The following ILRUN variants were observed in gnomAD, a reference collection of about 807,000 sequenced individuals.
ILRUN encodes protein ILRUN.
In ILRUN, 3 loss-of-function variants were observed where a neutral mutation model predicts 33.8. That is an observed-to-expected ratio of 0.09 (90% CI 0.04 to 0.23). The LOEUF is 0.23. Ranked by LOEUF, ILRUN falls within the 10% of genes least tolerant of loss-of-function variation. The pLI is 1.00. For synonymous variants in ILRUN, 124 were observed against 138.9 expected, an observed-to-expected ratio of 0.89 and a Z score of 0.75; for missense variants, 210 against 375.1, an observed-to-expected ratio of 0.56 and a Z score of 3.64.
At position 34,592,589 on chromosome 6, in the gene ILRUN, ATTTTTT is replaced by A. The variant is rs1382758890; in HGVS notation, c.862-1995_862-1990del. The stretch of plus-strand genomic sequence containing the variant: ...AGTTTTTGCCATTATTTTTATTTTT[ATTTTTT>A]ATTTTTATTTTTTTCAAGACAGAGT... On this transcript the variant is annotated intron_variant, in intron 4 of 4. Transcript: ENST00000374023. The surrounding 1 kb of genome is among the most constrained non-coding windows in gnomAD (Gnocchi z 4.0). Among the ~76,000 whole-genome samples, 2 of 152,104 alleles carry A rather than the reference ATTTTTT, an allele frequency of 1.3e-5. No homozygotes were observed. The highest frequency in any genetic ancestry group is 1.9e-4 in the East Asian group (1 of 5,186).
rs1203872357 is a variant in ILRUN at position 34,623,864 on chromosome 6, C to A, written c.512-16960G>T. On this transcript the variant is annotated intron_variant, in intron 3 of 4. Coordinates refer to ENST00000374023, the MANE Select transcript of ILRUN (RefSeq NM_024294.4). Reference sequence around the variant, plus strand: ...TTTCTTTTTGTTTTTTTGAGTCTCACTCTGTTGCCCAGGCTGGAGTGCAGT... The same window carrying A: ...TTTCTTTTTGTTTTTTTGAGTCTCAATCTGTTGCCCAGGCTGGAGTGCAGT... 2.0e-5 allele frequency among the ~76,000 whole-genome samples: 3 copies of A among 152,188 alleles called. No individual in the cohort carries two copies. The East Asian group carries it at 5.8e-4, about 29-fold the overall frequency.
At chr6:34,621,191 A>C (rs933217463) in intron 3 of ILRUN, among the ~76,000 whole-genome samples, 9 of 152,252 alleles carry the variant, frequency 5.9e-5, no homozygotes, top group Non-Finnish European at 1.5e-5. Flanking sequence ...AAGCAACAAG[A>C]GCATCACCTT....
chr6:34,651,439 T>C (rs1762666070), intron 2 of ILRUN, among the ~76,000 whole-genome samples: 1 of 152,088 alleles, frequency 6.6e-6, no homozygotes, highest in Non-Finnish European at 1.5e-5. Flanking sequence ...TTTGACAGTC[T>C]AACTACTACA....
At chr6:34,687,048 C>A in intron 1 of ILRUN, 1 of 185,126 alleles carries the variant, frequency 5.4e-6, no homozygotes. Flanking sequence ...GCTTCTAAGA[C>A]ATGCAAGCAT....
chr6:34,675,061 A>G (rs1486398735), intron 1 of ILRUN, among the ~76,000 whole-genome samples: 1 of 152,164 alleles, frequency 6.6e-6, no homozygotes, highest in Non-Finnish European at 1.5e-5. Context: ...TGGGCTAATC[A>G]CCTGAGGTTA....
chr6:34,681,625 G>C (rs1311126740), intron 1 of ILRUN, among the ~76,000 whole-genome samples: 1 of 151,910 alleles, frequency 6.6e-6, no homozygotes, highest in African/African-American at 2.4e-5. Context: ...TAAAAATAAA[G>C]AGTTAAACCT....
At chr6:34,662,355 G>A (rs1762907178) in intron 1 of ILRUN, among the ~76,000 whole-genome samples, 3 of 151,666 alleles carry the variant, frequency 2.0e-5, no homozygotes, top group South Asian at 4.2e-4. Context: ...AAGAGAAGCT[G>A]GAGCACTAAG....
At chr6:34,591,078 T>C (rs562386534) in intron 4 of ILRUN, among the ~76,000 whole-genome samples, 3 of 152,328 alleles carry the variant, frequency 2.0e-5, no homozygotes, top group Admixed American at 6.5e-5. Flanking sequence ...CCAGGCACAG[T>C]ACTAGGGGCT....
intron 2 of ILRUN, among the ~76,000 whole-genome samples, chr6:34,649,611 A>G (rs1165522920): frequency 6.6e-6 from 1 of 152,234 alleles, no homozygotes; most frequent in Non-Finnish European, 1.5e-5. Flanking sequence ...ACAAAAATCA[A>G]AAGTCCAACA....
chr6:34,659,395 T>C (rs1762842135), intron 1 of ILRUN, among the ~76,000 whole-genome samples: 1 of 152,142 alleles, frequency 6.6e-6, no homozygotes, highest in Admixed American at 6.5e-5. Context: ...TAGGCAATTA[T>C]TAGAATTCAG....
intron 4 of ILRUN, among the ~76,000 whole-genome samples, chr6:34,596,536 C>T (rs1761403630): frequency 6.6e-6 from 1 of 152,142 alleles, no homozygotes; most frequent in Non-Finnish European, 1.5e-5. Flanking sequence ...TGGTCTAGAA[C>T]TCCTGACCTC....
chr6:34,590,705 C>A, intron 4 of ILRUN, 105 bp from the exon 5 acceptor site: 2 of 853,864 alleles, frequency 2.3e-6, no homozygotes, highest in East Asian at 2.5e-5. Context: ...AAGGAAGCCC[C>A]AATCCACAGA....
chr6:34,681,471 T>A (rs988546579), intron 1 of ILRUN, among the ~76,000 whole-genome samples: 9 of 152,286 alleles, frequency 5.9e-5, no homozygotes, highest in Non-Finnish European at 1.2e-4. Flanking sequence ...TAGAAAGAGT[T>A]TAAACCCTTT....
intron 1 of ILRUN, among the ~76,000 whole-genome samples, chr6:34,683,477 T>TATATATATACAC (rs1763437707): frequency 2.0e-5 from 2 of 102,222 alleles, no homozygotes; most frequent in African/African-American, 4.9e-5. Context: ...TATATACACA[T>TATATATATACAC]ATATATATAC....
chr6:34,610,894 AC>A (rs767670593), intron 3 of ILRUN, among the ~76,000 whole-genome samples: 52 of 151,640 alleles, frequency 3.4e-4, no homozygotes, highest in Non-Finnish European at 6.9e-4. Flanking sequence ...ACCTACCACC[AC>A]CCCTTTTCTC....
intron 3 of ILRUN, among the ~76,000 whole-genome samples, chr6:34,626,204 C>T (rs1316361405): frequency 6.6e-6 from 1 of 152,150 alleles, no homozygotes; most frequent in Non-Finnish European, 1.5e-5. Context: ...CAGGGTCTCT[C>T]TTTGTTGCCC....
At chr6:34,679,634 G>A (rs1260989746) in intron 1 of ILRUN, among the ~76,000 whole-genome samples, 1 of 152,108 alleles carries the variant, frequency 6.6e-6, no homozygotes, top group African/African-American at 2.4e-5. Flanking sequence ...TACACAACAA[G>A]GTGTGCAATA....
At chr6:34,637,250 C>CA (rs1434356541) in intron 3 of ILRUN, among the ~76,000 whole-genome samples, 2 of 152,066 alleles carry the variant, frequency 1.3e-5, no homozygotes, top group Non-Finnish European at 2.9e-5. Context: ...TGCATATATA[C>CA]AAAAAAGTTA....
At chr6:34,619,374 G>C (rs375976820) in intron 3 of ILRUN, among the ~76,000 whole-genome samples, 56 of 151,894 alleles carry the variant, frequency 3.7e-4, no homozygotes, top group African/African-American at 1.4e-3. Flanking sequence ...TTTTGAGACA[G>C]AGAGTCTCAC....
Sources: allele counts gnomAD v4.1 joint callset (sites outside exome capture counted in the v4.1 genomes callset), GRCh38; gene constraint gnomAD v4.1.1; non-coding constraint Gnocchi (gnomAD v3.1); transcripts MANE v1.5; gene names NCBI Gene and HGNC (gene_info 2026-07-23, HGNC 2026-07-21).